Variants in XDH observed in about 807,000 individuals in gnomAD.
XDH encodes the protein xanthine dehydrogenase.
A neutral mutation model predicts 156.1 loss-of-function variants in XDH; 138 were observed. The observed-to-expected ratio is 0.88, with a 90% CI of 0.77 to 1.02. XDH has a LOEUF of 1.02. Ranked by LOEUF, XDH falls within the 50% of genes least tolerant of loss-of-function variation. XDH has a pLI of 0.00. For synonymous variants in XDH, 669 were observed against 625.7 expected, an observed-to-expected ratio of 1.07 and a Z score of -1.03; for missense variants, 1,849 against 1,684.9, an observed-to-expected ratio of 1.10 and a Z score of -1.71.
chr2:31,398,515 AC>A, intron 5 of XDH, 57 bp downstream of exon 5: 1 of 1,610,854 alleles, frequency 6.2e-7, no homozygotes, highest in Non-Finnish European at 8.5e-7. Context: ...ACTTGCCCTG[AC>A]CTCTGCAGGG....
chr2:31,354,813 T>C (rs1051615452), intron 24 of XDH, among the ~76,000 whole-genome samples: 5 of 152,082 alleles, frequency 3.3e-5, no homozygotes, highest in Non-Finnish European at 7.4e-5. Flanking sequence ...GACCTAACAC[T>C]CATGCCATTG....
At chr2:31,410,250 A>G (rs1687304118) in intron 1 of XDH, among the ~76,000 whole-genome samples, 1 of 152,154 alleles carries the variant, frequency 6.6e-6, no homozygotes, top group Non-Finnish European at 1.5e-5. Flanking sequence ...TATTTAGTAA[A>G]TTTATAGAGT....
chr2:31,375,504 T>C lies in XDH; in HGVS notation c.1478A>G (p.Glu493Gly). Reference protein sequence around the residue: ...LQDVCAGLAEELHLPPDAPGG... With the variant: ...LQDVCAGLAEGLHLPPDAPGG... ...AGGGGCATCGGGAGGCAGATGCAGC[T>C]CCTCTGCCAGTCCTGCACACACGTC... The change falls in exon 15 of 36, where the codon GAG becomes GGG. Residue 493 changes from glutamate (E) to glycine (G), a missense_variant. By Grantham distance (98) the Glu-to-Gly change is moderately conservative. Coordinates refer to ENST00000379416, the MANE Select transcript of XDH (RefSeq NM_000379.4). The C allele has an allele frequency of 6.2e-7, 1 of 1,614,036 alleles. No individual in the cohort carries two copies. The highest frequency in any genetic ancestry group is 1.3e-5 in the African/African-American group (1 of 75,038).
intron 1 of XDH, among the ~76,000 whole-genome samples, chr2:31,412,481 G>A (rs951210904): frequency 4.6e-5 from 7 of 152,092 alleles, no homozygotes; most frequent in African/African-American, 1.7e-4. Flanking sequence ...GGGGCCTGTC[G>A]TGGGGTGGGG....
At chr2:31,365,743 G>C (rs1685896813) in intron 22 of XDH, among the ~76,000 whole-genome samples, 199 bp from the exon 23 acceptor site, 1 of 152,210 alleles carries the variant, frequency 6.6e-6, no homozygotes, top group Non-Finnish European at 1.5e-5. Context: ...CTTTCATTTA[G>C]AGAGCTCACA....
chr2:31,335,509 T>C lies in XDH; in HGVS notation c.*449A>G. The C allele has an allele frequency of 4.0e-6, 1 of 251,400 alleles. No individual in the cohort carries two copies. 15.6% of individuals were successfully genotyped at this position (251,400 alleles called of 1,614,324 possible). On this transcript the variant is annotated 3_prime_UTR_variant, in exon 36 of 36. Transcript: ENST00000379416. Reference sequence around the variant, plus strand: ...TGAGTATAGATTCAAGGTTATGCTTTGCTGTTCATTGGTTTGAAGGCCAGG... The same window carrying C: ...TGAGTATAGATTCAAGGTTATGCTTCGCTGTTCATTGGTTTGAAGGCCAGG...
At chr2:31,389,853 A>G (rs206848) in intron 6 of XDH, among the ~76,000 whole-genome samples, 93,410 of 150,714 alleles carry the variant, frequency 0.62, 29,368 homozygotes, top group Middle Eastern at 0.75. Context: ...TAAAAAAAAA[A>G]GTTTTTTTTT....
intron 1 of XDH, among the ~76,000 whole-genome samples, chr2:31,412,691 C>A (rs1004062682): frequency 6.6e-6 from 1 of 152,110 alleles, no homozygotes; most frequent in Non-Finnish European, 1.5e-5. Flanking sequence ...TTGCACAATT[C>A]CTGTAACAAA....
intron 30 of XDH, among the ~76,000 whole-genome samples, chr2:31,346,367 C>T (rs908478426): frequency 3.3e-5 from 5 of 152,170 alleles, no homozygotes; most frequent in Non-Finnish European, 7.3e-5. Flanking sequence ...TCTCAGTAGA[C>T]TCAGACTCAA....
rs1017718849 is a variant in XDH at position 31,334,939 on chromosome 2, A to G, written c.*1019T>C. ...GGCAGGAGTGCAGTGGCGCAATCAT[A>G]GCTCACTGCAGCCTCAACCTCCTGA... On this transcript the variant is annotated 3_prime_UTR_variant, in exon 36 of 36. Coordinates refer to ENST00000379416, the MANE Select transcript of XDH (RefSeq NM_000379.4). 2.0e-5 allele frequency: 3 copies of G among 152,158 alleles called. No homozygotes were observed. Among genetic ancestry groups the G allele is most frequent in the African/African-American group, 7.2e-5 (3 of 41,426 alleles). The allele number at this position is 152,158 out of a possible 1,614,324, so 9.4% of individuals were successfully genotyped here.
intron 24 of XDH, among the ~76,000 whole-genome samples, chr2:31,351,516 T>C (rs1685480612): frequency 6.6e-6 from 1 of 152,214 alleles, no homozygotes; most frequent in Admixed American, 6.5e-5. Context: ...GATTTAAATC[T>C]TAAATCCCCC....
chr2:31,357,678 T>C (rs989987655), intron 24 of XDH, among the ~76,000 whole-genome samples: 1 of 151,902 alleles, frequency 6.6e-6, no homozygotes, highest in African/African-American at 2.4e-5. Flanking sequence ...TGATAATTTA[T>C]CGTATATTTA....
chr2:31,377,258 G>T, intron 13 of XDH, 21 bp from the exon 14 acceptor site: 3 of 1,613,644 alleles, frequency 1.9e-6, no homozygotes. Context: ...TCAGGAAGGT[G>T]CCTGTTTTCC....
intron 31 of XDH, among the ~76,000 whole-genome samples, chr2:31,344,314 G>A (rs373954879): frequency 2.6e-5 from 4 of 152,280 alleles, no homozygotes; most frequent in East Asian, 1.9e-4. Flanking sequence ...ACACTACACA[G>A]CCTGGTTTCT....
rs767075425 is a variant in XDH, at chr2:31,388,272, A to T, written c.519T>A (p.Asp173Glu). Residue 173 changes from aspartate to glutamate, a missense_variant, in exon 7 of 36, where the codon GAT becomes GAA. Asp to Glu is a conservative substitution (Grantham distance 45, BLOSUM62 2). Transcript: ENST00000379416. ...TCATGCAGCAATTTGGATTATTCCC[A>T]TCTCCTCCACAGCATCCACCATCCT... ...FARDGGCCGGDGNNPNCCMNQ... is the reference protein window; with the variant it reads ...FARDGGCCGGEGNNPNCCMNQ... The T allele has an allele frequency of 1.2e-6, 2 of 1,614,172 alleles. No homozygotes were observed. Among genetic ancestry groups the T allele is most frequent in the Non-Finnish European group, 1.7e-6 (2 of 1,180,012 alleles).
chr2:31,413,905 A>G (rs1351599866), intron 1 of XDH, among the ~76,000 whole-genome samples: 3 of 152,206 alleles, frequency 2.0e-5, no homozygotes, highest in East Asian at 3.9e-4. Context: ...AAAATTTGCA[A>G]AGATTCTCAC....
At chr2:31,337,572 C>A in intron 35 of XDH, 69 bp downstream of exon 35, 1 of 1,609,032 alleles carries the variant, frequency 6.2e-7, no homozygotes. Flanking sequence ...TGTGCAGAAC[C>A]TTCCCTGCAG....
intron 7 of XDH, 34 bp from the exon 8 acceptor site, chr2:31,387,931 A>G (rs1177878101): frequency 6.4e-7 from 1 of 1,553,032 alleles, no homozygotes; most frequent in East Asian, 2.4e-5. Flanking sequence ...GTGATGCAGT[A>G]TCTCCTCCTT....
chr2:31,367,847 T>C, intron 20 of XDH, 114 bp downstream of exon 20: 1 of 1,023,148 alleles, frequency 9.8e-7, no homozygotes, highest in East Asian at 2.4e-5. Context: ...GGGAATCTTC[T>C]GTCAGGAAAT....
Sources: allele counts gnomAD v4.1 joint callset (sites outside exome capture counted in the v4.1 genomes callset), GRCh38; gene constraint gnomAD v4.1.1; transcripts MANE v1.5; gene names NCBI Gene and HGNC (gene_info 2026-07-23, HGNC 2026-07-21).